The following LINGO2 variants were observed in gnomAD, a reference collection of about 807,000 sequenced individuals.
The protein encoded by LINGO2 is leucine rich repeat and Ig domain containing 2.
A neutral mutation model predicts 30.6 loss-of-function variants in LINGO2; 14 were observed. The observed-to-expected ratio is 0.46, with a 90% confidence interval of 0.30 to 0.72. LINGO2 has a LOEUF of 0.72. LINGO2 is among the 30% of genes least tolerant of loss of function. The pLI, the probability that LINGO2 is intolerant of heterozygous loss-of-function variation, is 0.07. For synonymous variants in LINGO2, 317 were observed against 288.5 expected, an observed-to-expected ratio of 1.10 and a Z score of -1.00; for missense variants, 729 against 751.7, an observed-to-expected ratio of 0.97 and a Z score of 0.35.
At chr9:29,103,510 A>G in the LINGO2 span, among the ~76,000 whole-genome samples, 1 of 152,070 alleles carries the variant, frequency 6.6e-6, no homozygotes, top group Admixed American at 6.5e-5. Flanking sequence ...TTTTACATTT[A>G]AGATTTGCTA....
intron 5 of LINGO2, among the ~76,000 whole-genome samples, chr9:27,995,138 C>T (rs953770265): frequency 2.6e-5 from 4 of 151,994 alleles, no homozygotes; most frequent in African/African-American, 4.8e-5. Context: ...TGAAAAACCT[C>T]GAAGAAATGG....
the LINGO2 span, among the ~76,000 whole-genome samples, chr9:28,996,417 T>C: frequency 2.0e-5 from 3 of 152,158 alleles, no homozygotes; most frequent in Non-Finnish European, 4.4e-5. Context: ...TCAGGAATCA[T>C]ACCATTTTCT....
intron 5 of LINGO2, among the ~76,000 whole-genome samples, chr9:27,978,905 T>A (rs1284470143): frequency 2.6e-5 from 4 of 152,070 alleles, no homozygotes; most frequent in African/African-American, 7.2e-5. Context: ...GAGAACTTAC[T>A]ATGTGCTAAG....
At chr9:28,414,118 C>G (rs984817675) in intron 2 of LINGO2, among the ~76,000 whole-genome samples, 2 of 151,942 alleles carry the variant, frequency 1.3e-5, no homozygotes, top group Non-Finnish European at 2.9e-5. Flanking sequence ...GCTCCATAAG[C>G]TTTCTACCCC....
the LINGO2 span, among the ~76,000 whole-genome samples, chr9:28,804,596 T>A: frequency 6.6e-6 from 1 of 151,956 alleles, no homozygotes; most frequent in African/African-American, 2.4e-5. Context: ...TAGGACAATA[T>A]GATTTAATAC....
intron 1 of LINGO2, among the ~76,000 whole-genome samples, chr9:28,582,433 T>C (rs1288754971): frequency 6.6e-6 from 1 of 151,994 alleles, no homozygotes; most frequent in Non-Finnish European, 1.5e-5. Context: ...ATGGCATCAC[T>C]CCAGTAACCG....
intron 3 of LINGO2, among the ~76,000 whole-genome samples, chr9:28,339,981 C>T (rs1825713704): frequency 2.0e-5 from 3 of 152,174 alleles, no homozygotes; most frequent in South Asian, 4.1e-4. Flanking sequence ...CACTTCCCCT[C>T]CATTATCCTG....
At chr9:28,860,951 A>G in the LINGO2 span, among the ~76,000 whole-genome samples, 1 of 133,726 alleles carries the variant, frequency 7.5e-6, no homozygotes, top group Non-Finnish European at 1.5e-5. Context: ...AATAATATAT[A>G]TAATATATTA....
At chr9:29,150,372 T>C in the LINGO2 span, among the ~76,000 whole-genome samples, 1 of 152,142 alleles carries the variant, frequency 6.6e-6, no homozygotes, top group Admixed American at 6.5e-5. Context: ...TCAGAGTGTC[T>C]CCTTACTTCC....
In LINGO2 at chr9:27,980,243, C is replaced by T. The variant is rs7018499; in HGVS notation, c.-35-29537G>A. Among the ~76,000 whole-genome samples the T allele has an allele frequency of 6.3e-4, 96 of 151,850 alleles. 1 individual carries two copies. Among genetic ancestry groups the T allele is most frequent in the Middle Eastern group, 6.8e-3 (2 of 292 alleles). On this transcript the variant is annotated intron_variant, in intron 5 of 5. Transcript: ENST00000379992. ...CAGCTTTAGCTATAAGGCACTCAAA[C>T]GTGCAGGATGCTAAGTGCCTTTCTA...
At chr9:28,567,706 A>G (rs1282893809) in intron 1 of LINGO2, among the ~76,000 whole-genome samples, 2 of 152,026 alleles carry the variant, frequency 1.3e-5, no homozygotes, top group African/African-American at 4.8e-5. Flanking sequence ...CTATGTTCCT[A>G]TTTGGGTGAC....
the LINGO2 span, among the ~76,000 whole-genome samples, chr9:28,677,879 C>G: frequency 2.0e-5 from 3 of 151,860 alleles, no homozygotes; most frequent in Non-Finnish European, 2.9e-5. Flanking sequence ...ACCGAGAAAC[C>G]AATACCCTGG....
chr9:28,790,013 T>C, the LINGO2 span, among the ~76,000 whole-genome samples: 1 of 152,226 alleles, frequency 6.6e-6, no homozygotes, highest in Non-Finnish European at 1.5e-5. Flanking sequence ...TATCTGTGGC[T>C]TAAGTTACCT....
chr9:28,532,061 A>G (rs1209417746), intron 1 of LINGO2, among the ~76,000 whole-genome samples: 4 of 152,176 alleles, frequency 2.6e-5, no homozygotes, highest in Non-Finnish European at 5.9e-5. Context: ...GATTTTTAAA[A>G]ATGAGGCAAG....
chr9:28,590,859 G>A (rs1824860362), intron 1 of LINGO2, among the ~76,000 whole-genome samples: 1 of 152,078 alleles, frequency 6.6e-6, no homozygotes, highest in Non-Finnish European at 1.5e-5. Context: ...ACATGCACAT[G>A]TATGTTTATT....
At chr9:28,967,400 G>A in the LINGO2 span, among the ~76,000 whole-genome samples, 18 of 152,138 alleles carry the variant, frequency 1.2e-4, no homozygotes, top group African/African-American at 4.1e-4. Context: ...CCAGTTCCTA[G>A]GGGACTGAAG....
chr9:28,974,256 A>G, the LINGO2 span, among the ~76,000 whole-genome samples: 1 of 152,074 alleles, frequency 6.6e-6, no homozygotes. Context: ...AATACAAAAA[A>G]GTAGCTGGGC....
intron 2 of LINGO2, among the ~76,000 whole-genome samples, chr9:28,401,550 G>T (rs1822265742): frequency 6.6e-6 from 1 of 152,086 alleles, no homozygotes; most frequent in Non-Finnish European, 1.5e-5. Flanking sequence ...GGGCATTTGG[G>T]TTGGTTCCAT....
Position 28,489,429 on chromosome 9 carries a change from C to T in LINGO2, c.-364-13404G>A, listed in dbSNP as rs80297792. ...AAGTGATCCACCTGCCTCAGCCTCT[C>T]GAAGCATTGGGATTACAGGCATAAG... is the stretch of plus-strand genomic sequence containing the variant. On this transcript the variant is annotated intron_variant, in intron 1 of 5. Transcript: ENST00000379992. Among the ~76,000 whole-genome samples, 7 of 152,194 alleles carry T rather than the reference C, an allele frequency of 4.6e-5. No homozygotes were observed. The East Asian group carries it at 9.7e-4, about 21-fold the overall frequency.
Sources: gnomAD v4.1 joint callset for allele counts (sites outside exome capture counted in the v4.1 genomes callset) on GRCh38, gnomAD v4.1.1 for gene constraint, MANE v1.5 for transcripts, NCBI Gene and HGNC (gene_info 2026-07-23, HGNC 2026-07-21) for gene names.